BCAS4: variants seen among roughly 807,000 people sequenced by gnomAD.
BCAS4 encodes breast carcinoma-amplified sequence 4.
A neutral mutation model predicts 15.7 loss-of-function variants in BCAS4; 9 were observed. The ratio of observed to expected loss-of-function variants is 0.57; its 90% CI spans 0.34 to 1.00. The LOEUF is 1.00. Ranked by LOEUF, BCAS4 falls within the 50% of genes least tolerant of loss-of-function variation. The pLI, the probability that BCAS4 is intolerant of heterozygous loss-of-function variation, is 0.02. For missense variants in BCAS4, 225 were observed against 239.1 expected, an observed-to-expected ratio of 0.94 and a Z score of 0.39; for synonymous variants, 101 against 99.5, an observed-to-expected ratio of 1.02 and a Z score of -0.09.
intron 2 of BCAS4, among the ~76,000 whole-genome samples, chr20:50,828,155 A>G (rs935442763): frequency 1.3e-5 from 2 of 152,108 alleles, no homozygotes; most frequent in East Asian, 3.9e-4. Context: ...GCCTGACACC[A>G]CATGCCACCC....
chr20:50,849,660 G>A (rs191072194), intron 4 of BCAS4, among the ~76,000 whole-genome samples: 41 of 152,328 alleles, frequency 2.7e-4, no homozygotes, highest in African/African-American at 9.6e-4. Flanking sequence ...TACAGGAGTG[G>A]AACCTTTGCC....
At chr20:50,840,415 T>C (rs976307132) in intron 3 of BCAS4, 2 of 681,554 alleles carry the variant, frequency 2.9e-6, no homozygotes, top group Non-Finnish European at 2.6e-6. Flanking sequence ...AGTTCTTTCC[T>C]TCCCTGCCAG....
intron 1 of BCAS4, among the ~76,000 whole-genome samples, chr20:50,807,871 A>G (rs1019361382): frequency 1.4e-5 from 2 of 145,892 alleles, no homozygotes; most frequent in African/African-American, 2.5e-5. Context: ...GTTGTATTCC[A>G]TGGTATCTAT....
chr20:50,831,056 C>A (rs780013282), intron 3 of BCAS4, among the ~76,000 whole-genome samples: 1 of 152,004 alleles, frequency 6.6e-6, no homozygotes, highest in African/African-American at 2.4e-5. Flanking sequence ...TTACATATAT[C>A]GACATCATGT....
At chr20:50,854,899 C>T (rs2123827233) in intron 4 of BCAS4, among the ~76,000 whole-genome samples, 1 of 152,362 alleles carries the variant, frequency 6.6e-6, no homozygotes, top group Non-Finnish European at 1.5e-5. Context: ...TGGATCTCGC[C>T]TGCAGGAATT....
chr20:50,841,745 T>C, intron 3 of BCAS4, 21 bp from the exon 4 acceptor site: 1 of 1,613,910 alleles, frequency 6.2e-7, no homozygotes, highest in Non-Finnish European at 8.5e-7. Context: ...TGCGGCATCA[T>C]GGCTTCTCCG....
intron 1 of BCAS4, among the ~76,000 whole-genome samples, chr20:50,811,570 G>A (rs544419405): frequency 7.2e-5 from 11 of 152,036 alleles, no homozygotes; most frequent in Non-Finnish European, 1.3e-4. Flanking sequence ...GGGCAATCAC[G>A]AATCTATTTC....
chr20:50,835,118 G>A (rs182686835), intron 3 of BCAS4, among the ~76,000 whole-genome samples: 25 of 152,162 alleles, frequency 1.6e-4, no homozygotes, highest in African/African-American at 5.5e-4. Context: ...ATGGAAACTC[G>A]TTTTAGGAAG....
At chr20:50,838,350 C>G (rs946049735) in intron 3 of BCAS4, among the ~76,000 whole-genome samples, 8 of 152,132 alleles carry the variant, frequency 5.3e-5, no homozygotes, top group Admixed American at 4.6e-4. Context: ...GACCAGGAAT[C>G]TGGGTGGCTC....
chr20:50,840,608 C>T (rs754715885), intron 3 of BCAS4: 258 of 1,589,226 alleles, frequency 1.6e-4, no homozygotes, highest in African/African-American at 8.3e-4. Context: ...TGACGGCACA[C>T]GCCTCATTAC....
intron 1 of BCAS4, among the ~76,000 whole-genome samples, chr20:50,805,953 G>A (rs2087984148): frequency 6.6e-6 from 1 of 150,962 alleles, no homozygotes; most frequent in Non-Finnish European, 1.5e-5. Context: ...CTCCAGCCTG[G>A]GCGACAGAGC....
At chr20:50,864,594 A>G (rs6013032) in intron 4 of BCAS4, among the ~76,000 whole-genome samples, 3 of 151,856 alleles carry the variant, frequency 2.0e-5, no homozygotes, top group African/African-American at 7.2e-5. Flanking sequence ...GCACGCCACC[A>G]TACCTGGCTA....
chr20:50,834,815 T>C (rs1290565058), intron 3 of BCAS4, among the ~76,000 whole-genome samples: 2 of 152,228 alleles, frequency 1.3e-5, no homozygotes, highest in East Asian at 3.8e-4. Context: ...ATATATGGCC[T>C]TCTGTGTTTG....
At chr20:50,869,620 C>T (rs2122675213) in intron 4 of BCAS4, among the ~76,000 whole-genome samples, 1 of 152,064 alleles carries the variant, frequency 6.6e-6, no homozygotes, top group East Asian at 1.9e-4. Flanking sequence ...TGATGACCTA[C>T]TATTCAGTGC....
chr20:50,837,236 A>T (rs2088420515), intron 3 of BCAS4, among the ~76,000 whole-genome samples: 2 of 152,148 alleles, frequency 1.3e-5, no homozygotes, highest in Non-Finnish European at 2.9e-5. Context: ...CCCCTCCTGG[A>T]TGTCAACACA....
intron 4 of BCAS4, among the ~76,000 whole-genome samples, chr20:50,871,677 G>A (rs76460627): frequency 0.11 from 17,426 of 152,242 alleles, 1,280 homozygotes; most frequent in African/African-American, 0.2. Flanking sequence ...GTCTTGCCGC[G>A]TCTTCTAACT....
At chr20:50,821,677 G>T (rs566140478) in intron 2 of BCAS4, among the ~76,000 whole-genome samples, 2 of 152,164 alleles carry the variant, frequency 1.3e-5, no homozygotes, top group Non-Finnish European at 2.9e-5. Context: ...TTACAGGTCC[G>T]AGAGAAGGCA....
intron 4 of BCAS4, among the ~76,000 whole-genome samples, chr20:50,856,127 C>CGGG (rs1978749288): frequency 1.3e-5 from 2 of 152,198 alleles, no homozygotes; most frequent in Non-Finnish European, 2.9e-5. Context: ...TGATCGGTGT[C>CGGG]AGAACGCAGG....
intron 3 of BCAS4, chr20:50,840,515 CCAACCT>C: frequency 7.3e-7 from 1 of 1,363,924 alleles, no homozygotes. Context: ...TAAACTTGAT[CCAACCT>C]CTTTGCATCT....
Sources: gnomAD v4.1 joint callset for allele counts (sites outside exome capture counted in the v4.1 genomes callset) on GRCh38, gnomAD v4.1.1 for gene constraint, MANE v1.5 for transcripts, NCBI Gene and HGNC (gene_info 2026-07-23, HGNC 2026-07-21) for gene names.